Variants in CSMD1 observed in about 807,000 individuals in gnomAD.
The protein encoded by CSMD1 is CUB and sushi domain-containing protein 1.
In CSMD1, 213 loss-of-function variants were observed where a neutral mutation model predicts 417.5. That is an observed-to-expected ratio of 0.51 (90% CI 0.46 to 0.57). The LOEUF (loss-of-function observed/expected upper bound fraction) is 0.57, where lower values mean the gene tolerates loss of function less well. CSMD1 is among the 20% of genes least tolerant of loss of function. The pLI is 0.00. For synonymous variants in CSMD1, 2,862 were observed against 1,736.8 expected (o/e 1.65, Z -16.11); for missense variants, 6,923 against 4,529.7 (o/e 1.53, Z -15.17).
In CSMD1 at chr8:3,387,811, A is replaced by C. The variant is rs563465501; in HGVS notation, c.2594-129T>G. ...CCTGAAACATTATGCAAGTGAACCC[A>C]ACAATCCATGGACATAAAAGCCAAT... On this transcript the variant is annotated intron_variant, in intron 17 of 69. Transcript: ENST00000635120. The C allele has an allele frequency of 5.4e-6, 4 of 738,998 alleles. No homozygotes were observed. In the South Asian group the frequency reaches 7.8e-5, roughly 14 times the overall value. The allele number at this position is 738,998 out of a possible 1,614,324, so 45.8% of individuals were successfully genotyped here.
intron 1 of CSMD1, among the ~76,000 whole-genome samples, chr8:4,878,285 C>G (rs1377640800): frequency 1.3e-5 from 2 of 152,070 alleles, no homozygotes; most frequent in South Asian, 2.1e-4. Context: ...TCTTGACCAA[C>G]TTAACACAAC....
At chr8:4,859,311 A>C (rs11997447) in intron 1 of CSMD1, among the ~76,000 whole-genome samples, 1,716 of 152,212 alleles carry the variant, frequency 0.011, 23 homozygotes, top group African/African-American at 0.039. Context: ...ACCATAAATA[A>C]CCTAGAAGAA....
At chr8:4,896,407 A>G (rs1804484877) in intron 1 of CSMD1, among the ~76,000 whole-genome samples, 2 of 152,072 alleles carry the variant, frequency 1.3e-5, no homozygotes, top group South Asian at 4.1e-4. Context: ...CGCTTCGATT[A>G]TTTACTGATG....
At chr8:4,396,981 C>G (rs1261998264) in intron 3 of CSMD1, among the ~76,000 whole-genome samples, 1 of 151,738 alleles carries the variant, frequency 6.6e-6, no homozygotes, top group Non-Finnish European at 1.5e-5. Flanking sequence ...CACTAAAGGA[C>G]CTATTCATGT....
At position 3,775,609 on chromosome 8, in the gene CSMD1, T is replaced by C. The variant is rs1027194834; in HGVS notation, c.819-21567A>G. ...CATGTGCTCTTGTCAGTAAAGTTCGTAAATTGTTGGGACTCATGTGCTCCT... is the reference window on the plus strand; with the variant it reads ...CATGTGCTCTTGTCAGTAAAGTTCGCAAATTGTTGGGACTCATGTGCTCCT... On this transcript the variant is annotated intron_variant, in intron 5 of 69. Coordinates refer to ENST00000635120, the MANE Select transcript of CSMD1 (RefSeq NM_033225.6). Among the ~76,000 whole-genome samples the C allele has an allele frequency of 2.0e-5, 3 of 152,194 alleles. No homozygotes were observed. In the East Asian group the frequency reaches 5.8e-4, roughly 29 times the overall value.
Position 4,280,947 on chromosome 8 carries a change from T to C in CSMD1, c.415+139006A>G, listed in dbSNP as rs1346230017. Among the ~76,000 whole-genome samples, 3 of 152,228 alleles carry C rather than the reference T, an allele frequency of 2.0e-5. No homozygotes were observed. The East Asian group carries it at 5.8e-4, about 29-fold the overall frequency. ...AGTAGATATACATATCCACGTTTTT[T>C]CCAAACACACTTGAAAGTTTCCCAG... On this transcript the variant is annotated intron_variant, in intron 3 of 69. Transcript: ENST00000635120.
At chr8:4,264,525 GC>G (rs1804108133) in intron 3 of CSMD1, among the ~76,000 whole-genome samples, 1 of 152,102 alleles carries the variant, frequency 6.6e-6, no homozygotes, top group East Asian at 1.9e-4. Flanking sequence ...AAGCTGAGAA[GC>G]TCCGTTACTT....
intron 20 of CSMD1, among the ~76,000 whole-genome samples, chr8:3,361,534 C>T (rs1381947730): frequency 6.6e-6 from 1 of 151,328 alleles, no homozygotes; most frequent in Non-Finnish European, 1.5e-5. Flanking sequence ...TGCCTGTAAT[C>T]CCAGCTACTC....
At chr8:4,311,605 C>A (rs983678996) in intron 3 of CSMD1, among the ~76,000 whole-genome samples, 1 of 151,804 alleles carries the variant, frequency 6.6e-6, no homozygotes, top group South Asian at 2.1e-4. Flanking sequence ...CGCCTGTAGT[C>A]CCAGCTACTT....
intron 3 of CSMD1, among the ~76,000 whole-genome samples, chr8:4,352,028 T>G (rs952871782): frequency 7.2e-5 from 11 of 152,046 alleles, no homozygotes; most frequent in Non-Finnish European, 1.6e-4. Flanking sequence ...GCTGATCGTT[T>G]AAGTTCATTG....
At chr8:4,334,439 T>C (rs1800045940) in intron 3 of CSMD1, among the ~76,000 whole-genome samples, 1 of 152,126 alleles carries the variant, frequency 6.6e-6, no homozygotes, top group Non-Finnish European at 1.5e-5. Context: ...AGAGATTCTT[T>C]CTCAAGACTG....
intron 3 of CSMD1, among the ~76,000 whole-genome samples, chr8:4,099,238 T>C (rs2130872312): frequency 6.6e-6 from 1 of 151,656 alleles, no homozygotes; most frequent in South Asian, 2.1e-4. Flanking sequence ...TCTAATTCCT[T>C]CCCTCTTCAA....
intron 10 of CSMD1, among the ~76,000 whole-genome samples, chr8:3,503,969 T>A (rs1192021656): frequency 1.3e-5 from 2 of 152,010 alleles, no homozygotes; most frequent in African/African-American, 4.8e-5. Flanking sequence ...CAAGAAGTGG[T>A]TGATTTTGGG....
At chr8:4,140,413 G>A (rs1184720100) in intron 3 of CSMD1, among the ~76,000 whole-genome samples, 1 of 150,916 alleles carries the variant, frequency 6.6e-6, no homozygotes, top group Non-Finnish European at 1.5e-5. Context: ...CAGGAGAATT[G>A]CTTGAACCTG....
intron 15 of CSMD1, among the ~76,000 whole-genome samples, chr8:3,400,704 A>T (rs552794040): frequency 8.5e-5 from 13 of 152,058 alleles, no homozygotes; most frequent in African/African-American, 3.1e-4. Flanking sequence ...TTATAAATGT[A>T]ATAAAAGAAA....
chr8:3,297,031 G>C (rs948563420), intron 25 of CSMD1, among the ~76,000 whole-genome samples: 1 of 152,188 alleles, frequency 6.6e-6, no homozygotes, highest in Non-Finnish European at 1.5e-5. Context: ...GTGGAGAATA[G>C]AAGAGGACTA....
At position 3,377,648 on chromosome 8, in the gene CSMD1, G is replaced by A. The variant is rs1037836531; in HGVS notation, c.2783-8278C>T. Among the ~76,000 whole-genome samples the A allele has an allele frequency of 3.7e-4, 57 of 152,012 alleles. 2 individuals carry two copies. The highest frequency in any genetic ancestry group is 8.8e-5 in the Non-Finnish European group (6 of 68,024). On this transcript the variant is annotated intron_variant, in intron 18 of 69. Coordinates refer to ENST00000635120, the MANE Select transcript of CSMD1 (RefSeq NM_033225.6). ...TAAACCTACTTTGCTAAACCTCCAG[G>A]AATTCTTACTGTACCGCACCTATCA...
intron 4 of CSMD1, among the ~76,000 whole-genome samples, chr8:4,024,736 A>G (rs1467397165): frequency 6.6e-6 from 1 of 152,164 alleles, no homozygotes; most frequent in Non-Finnish European, 1.5e-5. Context: ...CATAGGAGCT[A>G]CTGCAGGCCG....
intron 3 of CSMD1, among the ~76,000 whole-genome samples, chr8:4,069,287 C>G (rs1409778221): frequency 6.6e-6 from 1 of 152,114 alleles, no homozygotes; most frequent in Non-Finnish European, 1.5e-5. Flanking sequence ...AGTAGGAGGT[C>G]ATTATTTTTT....
Sources: allele counts gnomAD v4.1 joint callset (sites outside exome capture counted in the v4.1 genomes callset), GRCh38; gene constraint gnomAD v4.1.1; transcripts MANE v1.5; gene names NCBI Gene and HGNC (gene_info 2026-07-23, HGNC 2026-07-21).